PDZD2: variants seen among roughly 807,000 people sequenced by gnomAD.
PDZD2 encodes the protein PDZ domain containing 2.
PDZD2 carries 90 observed loss-of-function variants against 220.7 expected under a neutral mutation model. That is an observed-to-expected ratio of 0.41 (90% CI 0.34 to 0.49). The LOEUF (loss-of-function observed/expected upper bound fraction) is 0.49. PDZD2 is among the 20% of genes least tolerant of loss of function. PDZD2 has a pLI of 0.28. For synonymous variants in PDZD2, 1,375 were observed against 1,450.5 expected (o/e 0.95, Z 1.18); for missense variants, 3,174 against 3,608.5 (o/e 0.88, Z 3.08).
chr5:31,818,548 T>G (rs1164459758), intron 2 of PDZD2, among the ~76,000 whole-genome samples: 1 of 152,148 alleles, frequency 6.6e-6, no homozygotes, highest in African/African-American at 2.4e-5. Flanking sequence ...GAGGAGTCAG[T>G]GTGTCCTGGC....
intron 2 of PDZD2, among the ~76,000 whole-genome samples, chr5:31,893,653 G>C (rs111701662): frequency 6.6e-6 from 1 of 152,150 alleles, no homozygotes; most frequent in African/African-American, 2.4e-5. Context: ...TAAATGTAGC[G>C]ATCAGCTATG....
intron 19 of PDZD2, among the ~76,000 whole-genome samples, chr5:32,078,273 T>G (rs921928689): frequency 2.3e-4 from 35 of 152,300 alleles, no homozygotes; most frequent in African/African-American, 8.2e-4. Context: ...GAAATGATAC[T>G]GAAAAACCAC....
At chr5:31,881,705 C>CAT (rs201097537) in intron 2 of PDZD2, among the ~76,000 whole-genome samples, 227 of 148,318 alleles carry the variant, frequency 1.5e-3, no homozygotes, top group Non-Finnish European at 1.9e-3. Flanking sequence ...AATACACACA[C>CAT]ATATATATAT....
At chr5:31,988,163 C>G (rs936682164) in intron 3 of PDZD2, among the ~76,000 whole-genome samples, 1 of 152,168 alleles carries the variant, frequency 6.6e-6, no homozygotes, top group Non-Finnish European at 1.5e-5. Flanking sequence ...AGGTGCACAA[C>G]ATACATGTGC....
Position 31,974,116 on chromosome 5 carries a change from G to T in PDZD2, c.477-9039G>T, listed in dbSNP as rs190819023. Among the ~76,000 whole-genome samples, 312 of 152,294 alleles carry T rather than the reference G, an allele frequency of 2.0e-3. 2 individuals carry two copies. The highest frequency in any genetic ancestry group is 7.3e-3 in the African/African-American group (303 of 41,564). Reference sequence around the variant, plus strand: ...CTGTTTCAGCCTCCCAAGTAGCTGGGATTACAGGCACCCGCTACCACGCCC... The same window carrying T: ...CTGTTTCAGCCTCCCAAGTAGCTGGTATTACAGGCACCCGCTACCACGCCC... On this transcript the variant is annotated intron_variant, in intron 2 of 24. Coordinates refer to ENST00000438447, the MANE Select transcript of PDZD2 (RefSeq NM_178140.4).
chr5:31,957,911 A>G (rs1747860169), intron 2 of PDZD2, among the ~76,000 whole-genome samples: 3 of 152,200 alleles, frequency 2.0e-5, no homozygotes, highest in Non-Finnish European at 2.9e-5. Flanking sequence ...CAGTATATAC[A>G]TTGAGGCAGT....
At chr5:32,062,586 GTTT>G (rs1739794532) in intron 14 of PDZD2, among the ~76,000 whole-genome samples, 1 of 152,020 alleles carries the variant, frequency 6.6e-6, no homozygotes, top group Non-Finnish European at 1.5e-5. Flanking sequence ...TAGAGATGGG[GTTT>G]CACCATGTTG....
chr5:31,842,776 T>G (rs1757384523), intron 2 of PDZD2, among the ~76,000 whole-genome samples: 2 of 152,240 alleles, frequency 1.3e-5, no homozygotes. Flanking sequence ...TACTGATACT[T>G]TTATGACTAA....
chr5:31,949,961 C>T (rs1235720344), intron 2 of PDZD2, among the ~76,000 whole-genome samples: 1 of 151,960 alleles, frequency 6.6e-6, no homozygotes, highest in Non-Finnish European at 1.5e-5. Context: ...GGATTACAGG[C>T]GTGAGCCACC....
intron 1 of PDZD2, among the ~76,000 whole-genome samples, chr5:31,662,716 G>A (rs973174046): frequency 3.3e-5 from 5 of 152,120 alleles, no homozygotes; most frequent in African/African-American, 1.2e-4. Flanking sequence ...TGCATGCTCC[G>A]CCTCCCAGGT....
Position 31,875,584 on chromosome 5 carries a change from C to CA in PDZD2, c.476+75874dup, listed in dbSNP as rs1217406870. Among the ~76,000 whole-genome samples the CA allele has an allele frequency of 9.4e-4, 102 of 108,000 alleles. No individual in the cohort carries two copies. The East Asian group carries it at 0.012, about 13-fold the overall frequency. The allele number at this position is 108,000 out of a possible 152,430, so 70.9% of individuals were successfully genotyped here. ...CTAGGTGACAGAGTGAGACCCTGTT[C>CA]AAAAAAAAAAAAAATATATATATAT... On this transcript the variant is annotated intron_variant, in intron 2 of 24. Transcript: ENST00000438447.
chr5:31,716,468 G>C (rs1382303838), intron 1 of PDZD2, among the ~76,000 whole-genome samples: 1 of 152,120 alleles, frequency 6.6e-6, no homozygotes, highest in Admixed American at 6.6e-5. Flanking sequence ...GGTTTTTGAG[G>C]CAAGGAATGG....
At chr5:31,698,530 T>C (rs1580583155) in intron 1 of PDZD2, among the ~76,000 whole-genome samples, 1 of 144,278 alleles carries the variant, frequency 6.9e-6, no homozygotes, top group Non-Finnish European at 1.5e-5. Context: ...ACCCAGGAGG[T>C]GGAGCTTGCA....
intron 6 of PDZD2, among the ~76,000 whole-genome samples, chr5:32,012,274 G>C (rs1436246040): frequency 2.6e-5 from 4 of 152,118 alleles, no homozygotes; most frequent in Admixed American, 2.0e-4. Context: ...TCTGCGGCGA[G>C]GACAGCCCTG....
chr5:31,740,234 CT>C (rs1192711961), intron 1 of PDZD2, among the ~76,000 whole-genome samples: 1 of 151,928 alleles, frequency 6.6e-6, no homozygotes, highest in Non-Finnish European at 1.5e-5. Flanking sequence ...GAAAATTCTG[CT>C]GTTGGCTGGG....
chr5:31,969,641 G>A (rs1168760557), intron 2 of PDZD2, among the ~76,000 whole-genome samples: 1 of 151,812 alleles, frequency 6.6e-6, no homozygotes, highest in Non-Finnish European at 1.5e-5. Flanking sequence ...AAGTGGGCAT[G>A]AGGGATCTTA....
intron 17 of PDZD2, among the ~76,000 whole-genome samples, chr5:32,073,269 A>G (rs1421490789): frequency 3.9e-5 from 6 of 152,188 alleles, no homozygotes; most frequent in Non-Finnish European, 7.3e-5. Flanking sequence ...TTTTCACTGC[A>G]TTTAACAAGA....
At chr5:31,759,465 T>C (rs1300307934) in intron 1 of PDZD2, among the ~76,000 whole-genome samples, 1 of 151,658 alleles carries the variant, frequency 6.6e-6, no homozygotes, top group African/African-American at 2.4e-5. Context: ...TCTCCAAAAG[T>C]GGGAGGTGGG....
chr5:31,831,644 A>G (rs1756596560), intron 2 of PDZD2, among the ~76,000 whole-genome samples: 1 of 151,920 alleles, frequency 6.6e-6, no homozygotes, highest in African/African-American at 2.4e-5. Flanking sequence ...GCTACTTGGG[A>G]GGCTGAGGCA....
Sources: allele counts gnomAD v4.1 joint callset (sites outside exome capture counted in the v4.1 genomes callset), GRCh38; gene constraint gnomAD v4.1.1; transcripts MANE v1.5; gene names NCBI Gene and HGNC (gene_info 2026-07-23, HGNC 2026-07-21).